The following C3orf52 variants were observed in gnomAD, a reference collection of about 807,000 sequenced individuals.
C3orf52 encodes TPA-induced transmembrane protein.
In C3orf52, 22 loss-of-function variants were observed where a neutral mutation model predicts 24.8. The observed-to-expected ratio is 0.89, with a 90% CI of 0.63 to 1.27. The LOEUF (loss-of-function observed/expected upper bound fraction) is 1.27, where lower values mean the gene tolerates loss of function less well. C3orf52 is among the 50% of genes most tolerant of loss of function. The probability of loss-of-function intolerance (pLI) is 0.00; values close to 1 mark genes in which losing one functional copy is unlikely to be tolerated. For synonymous variants in C3orf52, 93 were observed against 100.2 expected (o/e 0.93, Z 0.43); for missense variants, 265 against 260.7 (o/e 1.02, Z -0.11).
At chr3:112,106,909 G>A (rs1249904700) in intron 3 of C3orf52, among the ~76,000 whole-genome samples, 2 of 152,112 alleles carry the variant, frequency 1.3e-5, no homozygotes, top group South Asian at 2.1e-4. Context: ...TAATCAATTC[G>A]CTGAGCTCCT....
chr3:112,095,662 A>G (rs2073918783), intron 2 of C3orf52, among the ~76,000 whole-genome samples: 1 of 152,226 alleles, frequency 6.6e-6, no homozygotes, highest in Non-Finnish European at 1.5e-5. Flanking sequence ...TTGTGTTCGA[A>G]CATGTCAATG....
chr3:112,123,072 G>A, downstream of C3orf52: 3 of 238,182 alleles, frequency 1.3e-5, no homozygotes, highest in Non-Finnish European at 2.5e-5. Flanking sequence ...TTAGTATGAT[G>A]AGTAAAGCTT....
At chr3:112,106,933 C>T (rs1396981437) in intron 3 of C3orf52, among the ~76,000 whole-genome samples, 1 of 152,154 alleles carries the variant, frequency 6.6e-6, no homozygotes, top group Non-Finnish European at 1.5e-5. Context: ...TCAGTTTGCA[C>T]CAAGCCTCAT....
chr3:112,117,182 T>G lies in C3orf52; in HGVS notation c.*536T>G. ...AGACTAAGCCAATTATTCACTGAAG[T>G]CATCCTCCTCCCCCCCACCATTCGA... is the stretch of plus-strand genomic sequence containing the variant. On this transcript the variant is annotated 3_prime_UTR_variant, in exon 6 of 6. Transcript: ENST00000264848. 1 of 555,650 alleles carries G rather than the reference T, an allele frequency of 1.8e-6. No homozygotes were observed. Among genetic ancestry groups the G allele is most frequent in the Non-Finnish European group, 3.2e-6 (1 of 314,084 alleles). 34.4% of individuals were successfully genotyped at this position (555,650 alleles called of 1,614,324 possible). A position where few individuals can be genotyped will look rare whatever the true frequency, so the allele number is the denominator to read the frequency against.
chr3:112,111,740 G>A (rs1231796535), intron 4 of C3orf52: 1 of 152,232 alleles, frequency 6.6e-6, no homozygotes, highest in African/African-American at 2.4e-5. Flanking sequence ...GATAATTAGA[G>A]GGCAGAGCTC....
At chr3:112,128,359 G>A (rs923118939) in exon 5 of C3orf52, 17 of 540,546 alleles carry the variant, frequency 3.1e-5, no homozygotes, top group Admixed American at 1.1e-4. Context: ...TGAAGAACAC[G>A]TAAGTGTTAT....
At chr3:112,093,964 C>A (rs1218382285) in intron 2 of C3orf52, among the ~76,000 whole-genome samples, 1 of 151,860 alleles carries the variant, frequency 6.6e-6, no homozygotes, top group African/African-American at 2.4e-5. Context: ...ACCATGTGTC[C>A]ATAAGCTGTC....
downstream of C3orf52, chr3:112,135,157 G>A (rs1327646976): frequency 3.9e-5 from 6 of 154,188 alleles, no homozygotes; most frequent in Admixed American, 3.9e-4. Flanking sequence ...AGAAATCTCG[G>A]GACAGGAATC....
chr3:112,128,856 T>C (rs545135839), downstream of C3orf52: 49 of 152,422 alleles, frequency 3.2e-4, no homozygotes, highest in Non-Finnish European at 5.6e-4. Context: ...ACTACCTACA[T>C]GGTTGAATGT....
chr3:112,100,000 AG>A (rs2073957594), intron 2 of C3orf52, among the ~76,000 whole-genome samples: 2 of 152,238 alleles, frequency 1.3e-5, no homozygotes, highest in Non-Finnish European at 2.9e-5. Flanking sequence ...ACAGGAGTTC[AG>A]ACTGAGTCTG....
chr3:112,104,131 G>C (rs1244502701), intron 3 of C3orf52, among the ~76,000 whole-genome samples: 2 of 152,160 alleles, frequency 1.3e-5, no homozygotes, highest in African/African-American at 4.8e-5. Context: ...ATGACTGATT[G>C]GGTGGTGGTG....
chr3:112,133,168 T>G, downstream of C3orf52: 1 of 1,607,222 alleles, frequency 6.2e-7, no homozygotes. Flanking sequence ...ACCACTTCCT[T>G]CTTGCCTTGT....
At chr3:112,103,682 AC>A (rs1324659306) in intron 3 of C3orf52, among the ~76,000 whole-genome samples, 3 of 152,202 alleles carry the variant, frequency 2.0e-5, no homozygotes, top group African/African-American at 7.2e-5. Flanking sequence ...CATCTGAGCT[AC>A]CTCAGGTGAA....
At chr3:112,127,641 G>A (rs2074357649) in intron 4 of C3orf52, among the ~76,000 whole-genome samples, 1 of 152,108 alleles carries the variant, frequency 6.6e-6, no homozygotes, top group South Asian at 2.1e-4. Context: ...ACTCTCAAAG[G>A]TATCTTAGTT....
At chr3:112,131,743 TAAC>T (rs1403521626), downstream of C3orf52, among the ~76,000 whole-genome samples, 3 of 152,184 alleles carry the variant, frequency 2.0e-5, no homozygotes, top group Admixed American at 6.5e-5. Context: ...AAATGTAAAA[TAAC>T]AAAATCAAAA....
intron 1 of C3orf52, among the ~76,000 whole-genome samples, chr3:112,087,152 G>A (rs1370002044): frequency 7.1e-6 from 1 of 141,276 alleles, no homozygotes; most frequent in Non-Finnish European, 1.6e-5. Flanking sequence ...TAGGGCTGGC[G>A]TAGAGATGGG....
At chr3:112,097,054 C>A (rs753303715) in intron 2 of C3orf52, among the ~76,000 whole-genome samples, 6 of 152,130 alleles carry the variant, frequency 3.9e-5, no homozygotes, top group Admixed American at 6.5e-5. Flanking sequence ...ATTTGAGACT[C>A]TTTAGGGAAA....
chr3:112,132,349 C>T (rs1371143673), downstream of C3orf52, among the ~76,000 whole-genome samples: 3 of 152,166 alleles, frequency 2.0e-5, no homozygotes, highest in East Asian at 1.9e-4. Context: ...GGCTCGCTTA[C>T]TCTCTCTAGA....
chr3:112,120,540 T>A (rs954755366), downstream of C3orf52, among the ~76,000 whole-genome samples: 4 of 152,220 alleles, frequency 2.6e-5, no homozygotes, highest in African/African-American at 9.6e-5. Context: ...AAGTCTGCAG[T>A]TGTGGCATAA....
Sources: gnomAD v4.1 joint callset for allele counts (sites outside exome capture counted in the v4.1 genomes callset) on GRCh38, gnomAD v4.1.1 for gene constraint, MANE v1.5 for transcripts, NCBI Gene and HGNC (gene_info 2026-07-23, HGNC 2026-07-21) for gene names.